The following POLR2E variants were observed in gnomAD, a reference collection of about 807,000 sequenced individuals.
The protein encoded by POLR2E is RNA polymerase II, I and III subunit E.
In POLR2E, 35 loss-of-function variants were observed where a neutral mutation model predicts 29.8. The ratio of observed to expected loss-of-function variants is 1.17; its 90% CI spans 0.90 to 1.55. POLR2E has a LOEUF of 1.55. Ranked by LOEUF, POLR2E falls within the 40% of genes most tolerant of loss-of-function variation. The pLI is 0.00. For missense variants in POLR2E, 287 were observed against 288.6 expected, an observed-to-expected ratio of 0.99 and a Z score of 0.04; for synonymous variants, 174 against 112.6, an observed-to-expected ratio of 1.55 and a Z score of -3.45.
At chr19:1,089,288 G>A (rs894316572) in intron 7 of POLR2E, among the ~76,000 whole-genome samples, 184 bp downstream of exon 7, 1 of 152,224 alleles carries the variant, frequency 6.6e-6, no homozygotes, top group Non-Finnish European at 1.5e-5. Context: ...CCCAAGAGCT[G>A]CAGCCTACGG....
intron 5 of POLR2E, 59 bp from the exon 6 acceptor site, chr19:1,090,021 T>TG (rs61585798): frequency 4.0e-5 from 54 of 1,358,286 alleles, no homozygotes; most frequent in Non-Finnish European, 5.0e-5. Context: ...GGGGTGTGTG[T>TG]GGGGGGGGAA....
In POLR2E at chr19:1,089,869, C is replaced by T; in HGVS notation, c.567+15G>A. On this transcript the variant is annotated intron_variant, in intron 6 of 7. Transcript: ENST00000615234. ...TCAGAGCAGCCCCAGGGCCCCTTCT[C>T]CCCACAGGGCTCACCTGCCCACGCT... The T allele has an allele frequency of 6.2e-7, 1 of 1,604,678 alleles. No homozygotes were observed. Among genetic ancestry groups the T allele is most frequent in the Non-Finnish European group, 8.5e-7 (1 of 1,173,908 alleles).
chr19:1,089,448 G>C, intron 7 of POLR2E, 24 bp downstream of exon 7: 3 of 1,540,884 alleles, frequency 1.9e-6, no homozygotes, highest in Non-Finnish European at 2.7e-6. Context: ...CCCCACCTCA[G>C]TGCCTGTCCC....
chr19:1,090,834 C>T, intron 4 of POLR2E, 74 bp downstream of exon 4: 7 of 1,326,624 alleles, frequency 5.3e-6, no homozygotes, highest in African/African-American at 1.4e-5. Context: ...CCAGATCCCA[C>T]ATCTTCCTGG....
At chr19:1,090,789 C>T (rs1164236710) in intron 4 of POLR2E, 119 bp downstream of exon 4, 5 of 819,764 alleles carry the variant, frequency 6.1e-6, no homozygotes, top group South Asian at 3.4e-5. Flanking sequence ...AGAACCCTGT[C>T]CTCCATGCAC....
chr19:1,095,082 C>T, intron 1 of POLR2E, 177 bp downstream of exon 1: 1 of 604,718 alleles, frequency 1.7e-6, no homozygotes, highest in South Asian at 2.2e-5. Context: ...TCCCCGCTGC[C>T]GGCTCAGGTC....
chr19:1,090,565 T>C (rs990902584), intron 4 of POLR2E, among the ~76,000 whole-genome samples: 4 of 146,662 alleles, frequency 2.7e-5, no homozygotes, highest in African/African-American at 5.0e-5. Context: ...CTACAGGCGC[T>C]CGCCACCACG....
intron 4 of POLR2E, 116 bp from the exon 5 acceptor site, chr19:1,090,261 C>T (rs1162314540): frequency 1.9e-5 from 16 of 864,020 alleles, no homozygotes; most frequent in Admixed American, 1.6e-4. Flanking sequence ...AACCCCACCC[C>T]GATCCCCGGC....
intron 6 of POLR2E, 67 bp from the exon 7 acceptor site, chr19:1,089,618 C>T (rs1297584238): frequency 3.7e-5 from 50 of 1,355,920 alleles, no homozygotes; most frequent in Non-Finnish European, 5.0e-5. Context: ...AGACAGCAGG[C>T]GGGCAGCACA....
At chr19:1,091,565 G>A in intron 3 of POLR2E, 1 of 563,918 alleles carries the variant, frequency 1.8e-6, no homozygotes, top group East Asian at 3.0e-5. Flanking sequence ...CCTCCGCCCT[G>A]ACGCCCCTCC....
At chr19:1,089,617 GC>G in intron 6 of POLR2E, 66 bp from the exon 7 acceptor site, 1 of 1,369,414 alleles carries the variant, frequency 7.3e-7, no homozygotes, top group Non-Finnish European at 1.0e-6. Flanking sequence ...CAGACAGCAG[GC>G]GGGCAGCACA....
chr19:1,090,574 C>T (rs546804786), intron 4 of POLR2E, among the ~76,000 whole-genome samples: 5 of 151,486 alleles, frequency 3.3e-5, no homozygotes, highest in East Asian at 3.9e-4. Flanking sequence ...CTCGCCACCA[C>T]GCCTGGCTAA....
In POLR2E at chr19:1,093,883, C is replaced by T. The variant is rs749731037; in HGVS notation, c.232+21G>A. 11 of 1,557,570 alleles carry T rather than the reference C, an allele frequency of 7.1e-6. No individual in the cohort carries two copies. The East Asian group carries it at 1.9e-4, about 26-fold the overall frequency. ...GTGCTCTGGTGGCTTCACCGGAACT[C>T]CCCCGGGACCCGCTGCTCACCTGGA... On this transcript the variant is annotated intron_variant, in intron 2 of 7. Coordinates refer to ENST00000615234, the MANE Select transcript of POLR2E (RefSeq NM_002695.5).
In POLR2E at chr19:1,089,973, C is replaced by G. The variant is rs2145134576; in HGVS notation, c.489-11G>C. ...TTCTCTCGGAGCTTACTGCGAAGCA[C>G]CGTCAGGAAAATGCCAGACAGGGCC... On this transcript the variant is annotated splice_polypyrimidine_tract_variant and intron_variant, in intron 5 of 7. Coordinates refer to ENST00000615234, the MANE Select transcript of POLR2E (RefSeq NM_002695.5). 6.2e-7 allele frequency: 1 copy of G among 1,611,186 alleles called. No individual in the cohort carries two copies. Among genetic ancestry groups the G allele is most frequent in the Non-Finnish European group, 8.5e-7 (1 of 1,179,324 alleles).
At position 1,086,852 on chromosome 19, in the gene POLR2E, T is replaced by C. The variant is rs893800728; in HGVS notation, c.*1883A>G. 3.9e-5 allele frequency: 6 copies of C among 152,122 alleles called. No homozygotes were observed. Among genetic ancestry groups the C allele is most frequent in the Non-Finnish European group, 8.8e-5 (6 of 67,978 alleles). The allele number at this position is 152,122 out of a possible 1,614,324, so 9.4% of individuals were successfully genotyped here. ...GCAGACGGTCAGGCATCGAATGACC[T>C]CGTCACGTCCACCTGCAGCCCAGGG... On this transcript the variant is annotated 3_prime_UTR_variant, in exon 8 of 8. Coordinates refer to ENST00000615234, the MANE Select transcript of POLR2E (RefSeq NM_002695.5).
In POLR2E at chr19:1,095,365, C is replaced by G. The variant is rs752499415; in HGVS notation, c.-50G>C. The G allele has an allele frequency of 1.2e-6, 2 of 1,606,284 alleles. No homozygotes were observed. Among genetic ancestry groups the G allele is most frequent in the East Asian group, 2.2e-5 (1 of 44,782 alleles). On this transcript the variant is annotated 5_prime_UTR_variant, in exon 1 of 8. Transcript: ENST00000615234. ...TCGCACCCCTTCTCCGCGCGAGAAC[C>G]CGCGCGGACTGCGCCTGCGCCGAAT... is the stretch of plus-strand genomic sequence containing the variant.
At chr19:1,093,572 G>A (rs1763880116) in intron 2 of POLR2E, among the ~76,000 whole-genome samples, 1 of 152,164 alleles carries the variant, frequency 6.6e-6, no homozygotes, top group South Asian at 2.1e-4. Context: ...CAAGAAGCTG[G>A]AAGTGCACCC....
chr19:1,087,603 G>A lies in POLR2E; in HGVS notation c.*1132C>T, dbSNP rs1377608035. ...CTACTTCCAGTCTCTGACGACTCTA[G>A]TGACCTCCTAGGAGTGACATCAGTG... On this transcript the variant is annotated 3_prime_UTR_variant, in exon 8 of 8. Coordinates refer to ENST00000615234, the MANE Select transcript of POLR2E (RefSeq NM_002695.5). The A allele has an allele frequency of 6.6e-6, 1 of 151,972 alleles. No homozygotes were observed. The highest frequency in any genetic ancestry group is 1.5e-5 in the Non-Finnish European group (1 of 67,986). The allele number at this position is 151,972 out of a possible 1,614,324, so 9.4% of individuals were successfully genotyped here. A position where few individuals can be genotyped will look rare whatever the true frequency, so the allele number is the denominator to read the frequency against.
At chr19:1,090,001 T>TG (rs776805059) in intron 5 of POLR2E, 39 bp from the exon 6 acceptor site, 215 of 1,261,630 alleles carry the variant, frequency 1.7e-4, no homozygotes, top group African/African-American at 7.9e-4. Context: ...ACAGGGCCGT[T>TG]GGGGGGGCAG....
Sources: allele counts gnomAD v4.1 joint callset (sites outside exome capture counted in the v4.1 genomes callset), GRCh38; gene constraint gnomAD v4.1.1; transcripts MANE v1.5; gene names NCBI Gene and HGNC (gene_info 2026-07-23, HGNC 2026-07-21).